The following CSMD1 variants were observed in gnomAD, a reference collection of about 807,000 sequenced individuals.
CSMD1 encodes the protein CUB and sushi domain-containing protein 1.
Under a neutral mutation model 417.5 loss-of-function variants are expected in CSMD1, and 213 were observed. That is an observed-to-expected ratio of 0.51 (90% CI 0.46 to 0.57). The LOEUF (loss-of-function observed/expected upper bound fraction) is 0.57, where lower values mean the gene tolerates loss of function less well. Among genes scored for constraint, CSMD1 ranks in the 20% least tolerant of loss-of-function variants. The pLI is 0.00. For missense variants in CSMD1, 6,923 were observed against 4,529.7 expected (o/e 1.53, Z -15.17); for synonymous variants, 2,862 against 1,736.8 (o/e 1.65, Z -16.11).
At chr8:3,855,320 A>AT (rs1804219011) in intron 5 of CSMD1, among the ~76,000 whole-genome samples, 1 of 152,168 alleles carries the variant, frequency 6.6e-6, no homozygotes, top group African/African-American at 2.4e-5. Flanking sequence ...AATTATCTAT[A>AT]TTTTTTCATC....
At chr8:4,696,421 T>A (rs1050926164) in intron 1 of CSMD1, among the ~76,000 whole-genome samples, 1 of 152,174 alleles carries the variant, frequency 6.6e-6, no homozygotes, top group Non-Finnish European at 1.5e-5. Flanking sequence ...ACATCCTGCT[T>A]CTCCTATTTC....
chr8:3,767,433 C>T (rs941560291), intron 5 of CSMD1, among the ~76,000 whole-genome samples: 4 of 152,168 alleles, frequency 2.6e-5, no homozygotes, highest in South Asian at 2.1e-4. Context: ...GTGTGAATAA[C>T]GATATGTGCT....
At chr8:3,085,730 T>C (rs1338771984) in intron 49 of CSMD1, among the ~76,000 whole-genome samples, 2 of 152,220 alleles carry the variant, frequency 1.3e-5, no homozygotes, top group Non-Finnish European at 1.5e-5. Context: ...TGACATCCTT[T>C]AATCCTTCTC....
intron 2 of CSMD1, among the ~76,000 whole-genome samples, chr8:4,516,224 C>T (rs1044787493): frequency 1.3e-5 from 2 of 152,110 alleles, no homozygotes; most frequent in Admixed American, 6.5e-5. Context: ...GGGAAGACCA[C>T]GTGAGGACCC....
At chr8:4,455,929 C>A (rs201892688) in intron 2 of CSMD1, among the ~76,000 whole-genome samples, 2 of 11,648 alleles carry the variant, frequency 1.7e-4, no homozygotes, top group Non-Finnish European at 4.2e-4. Flanking sequence ...ACTCCAACTC[C>A]AAAAAAAAAA....
intron 3 of CSMD1, among the ~76,000 whole-genome samples, chr8:4,397,257 T>C (rs1489726414): frequency 6.6e-6 from 1 of 152,180 alleles, no homozygotes; most frequent in African/African-American, 2.4e-5. Context: ...CATGCGTTTT[T>C]TCATAAAAAC....
chr8:4,753,429 A>G (rs2117059481), intron 1 of CSMD1, among the ~76,000 whole-genome samples: 1 of 151,156 alleles, frequency 6.6e-6, no homozygotes, highest in East Asian at 1.9e-4. Context: ...ACACACACAC[A>G]CACACACACA....
intron 23 of CSMD1, among the ~76,000 whole-genome samples, chr8:3,309,778 CTTCCATTGAGGAAAATGTA>C (rs1386380297): frequency 1.3e-5 from 2 of 152,148 alleles, no homozygotes; most frequent in Admixed American, 1.3e-4. Flanking sequence ...CTGAGATGCC[CTTCCATTGAGGAAAATGTA>C]TTCTTAACTT....
intron 3 of CSMD1, among the ~76,000 whole-genome samples, chr8:4,264,283 C>T (rs933694770): frequency 6.6e-6 from 1 of 152,130 alleles, no homozygotes; most frequent in African/African-American, 2.4e-5. Flanking sequence ...TATAGTAACA[C>T]ATTATTGTAC....
intron 1 of CSMD1, among the ~76,000 whole-genome samples, chr8:4,765,183 A>C (rs1292529144): frequency 6.6e-6 from 1 of 152,086 alleles, no homozygotes; most frequent in Non-Finnish European, 1.5e-5. Flanking sequence ...TTTTTTAGAA[A>C]CTGTGTTCTT....
At chr8:3,458,116 C>G (rs1816273125) in intron 12 of CSMD1, among the ~76,000 whole-genome samples, 1 of 152,166 alleles carries the variant, frequency 6.6e-6, no homozygotes, top group Non-Finnish European at 1.5e-5. Context: ...CGCTTAACCT[C>G]CGTGTCATTT....
Position 4,573,284 on chromosome 8 carries a change from G to C in CSMD1, c.302+64058C>G, listed in dbSNP as rs534429358. Among the ~76,000 whole-genome samples the C allele has an allele frequency of 1.8e-3, 272 of 152,252 alleles. 1 individual carries two copies. Among genetic ancestry groups the C allele is most frequent in the African/African-American group, 6.3e-3 (261 of 41,572 alleles). On this transcript the variant is annotated intron_variant, in intron 2 of 69. Coordinates refer to ENST00000635120, the MANE Select transcript of CSMD1 (RefSeq NM_033225.6). ...TCTACCTTTGATCTTTTATGCTGATGACCTTTGGATGGGATTTTCGCATGG... is the reference window on the plus strand; with the variant it reads ...TCTACCTTTGATCTTTTATGCTGATCACCTTTGGATGGGATTTTCGCATGG...
intron 51 of CSMD1, among the ~76,000 whole-genome samples, chr8:3,023,346 G>T (rs947725360): frequency 2.6e-5 from 4 of 152,128 alleles, no homozygotes; most frequent in Non-Finnish European, 4.4e-5. Context: ...ATTTTTTCTG[G>T]TTCAGGGATT....
chr8:3,753,039 G>A (rs1797439961), intron 6 of CSMD1, among the ~76,000 whole-genome samples: 1 of 152,136 alleles, frequency 6.6e-6, no homozygotes, highest in Non-Finnish European at 1.5e-5. Context: ...AACTGTCTCC[G>A]TGACCTGCTA....
intron 6 of CSMD1, among the ~76,000 whole-genome samples, chr8:3,723,926 T>A (rs1209543008): frequency 2.0e-5 from 3 of 152,190 alleles, no homozygotes; most frequent in Non-Finnish European, 2.9e-5. Context: ...GATTCCATTT[T>A]GTAGCTAACT....
intron 12 of CSMD1, among the ~76,000 whole-genome samples, chr8:3,426,137 T>C (rs1813823523): frequency 6.6e-6 from 1 of 152,198 alleles, no homozygotes; most frequent in South Asian, 2.1e-4. Flanking sequence ...ATTTGTATTG[T>C]CCTATCCCTA....
intron 1 of CSMD1, among the ~76,000 whole-genome samples, chr8:4,918,096 A>AG (rs1806191602): frequency 6.6e-6 from 1 of 151,964 alleles, no homozygotes; most frequent in South Asian, 2.1e-4. Flanking sequence ...ACTTTTAAAA[A>AG]AAGAAAATAT....
chr8:3,686,045 C>T (rs1799928733), intron 7 of CSMD1, among the ~76,000 whole-genome samples: 1 of 151,988 alleles, frequency 6.6e-6, no homozygotes, highest in African/African-American at 2.4e-5. Context: ...ACCAATGCTC[C>T]TTGCCCCCAC....
intron 5 of CSMD1, among the ~76,000 whole-genome samples, chr8:3,868,926 AC>A (rs1343873666): frequency 6.6e-6 from 1 of 151,978 alleles, no homozygotes; most frequent in African/African-American, 2.4e-5. Context: ...CCTGGCTAAC[AC>A]CCCAGAGCCA....
Sources: allele counts gnomAD v4.1 joint callset (sites outside exome capture counted in the v4.1 genomes callset), GRCh38; gene constraint gnomAD v4.1.1; transcripts MANE v1.5; gene names NCBI Gene and HGNC (gene_info 2026-07-23, HGNC 2026-07-21).